Variants in SMURF1 observed in about 807,000 individuals in gnomAD.
SMURF1 encodes E3 ubiquitin-protein ligase SMURF1.
In SMURF1, 44 loss-of-function variants were observed where a neutral mutation model predicts 98.0. The ratio of observed to expected loss-of-function variants is 0.45; its 90% CI spans 0.35 to 0.58. SMURF1 has a LOEUF of 0.58. SMURF1 is among the 20% of genes least tolerant of loss of function. The pLI, the probability that SMURF1 is intolerant of heterozygous loss-of-function variation, is 0.00. For missense variants in SMURF1, 687 were observed against 938.4 expected, an observed-to-expected ratio of 0.73 and a Z score of 3.50; for synonymous variants, 396 against 374.9, an observed-to-expected ratio of 1.06 and a Z score of -0.65.
intron 1 of SMURF1, among the ~76,000 whole-genome samples, chr7:99,096,166 C>A (rs1040963180): frequency 1.3e-5 from 2 of 152,154 alleles, no homozygotes; most frequent in Non-Finnish European, 2.9e-5. Context: ...ACCAGGACGC[C>A]TAAATCATGG....
intron 2 of SMURF1, among the ~76,000 whole-genome samples, chr7:99,061,167 C>T (rs895017924): frequency 1.3e-5 from 2 of 152,150 alleles, no homozygotes; most frequent in Non-Finnish European, 2.9e-5. Flanking sequence ...GAGATGGACA[C>T]GAGCCACCAT....
In SMURF1 at chr7:99,041,466, C is replaced by T. The variant is rs143082646; in HGVS notation, c.1371+652G>A. The stretch of plus-strand genomic sequence containing the variant: ...TGGTCTTAACTCAGGAACCACACGT[C>T]TCTACTTTCAGGTTTGAATTATGTT... On this transcript the variant is annotated intron_variant, in intron 12 of 17. Coordinates refer to ENST00000361368, the MANE Select transcript of SMURF1 (RefSeq NM_181349.3). 6.0e-4 allele frequency among the ~76,000 whole-genome samples: 92 copies of T among 152,322 alleles called. 1 individual carries two copies. The highest frequency in any genetic ancestry group is 2.1e-3 in the African/African-American group (89 of 41,582).
In SMURF1 at chr7:99,029,713, C is replaced by G. The variant is rs1333384242; in HGVS notation, c.*871G>C. The G allele has an allele frequency of 2.0e-5, 3 of 152,190 alleles. No homozygotes were observed. The highest frequency in any genetic ancestry group is 6.5e-5 in the Admixed American group (1 of 15,276). 9.4% of individuals were successfully genotyped at this position (152,190 alleles called of 1,614,324 possible). A position where few individuals can be genotyped will look rare whatever the true frequency, so the allele number is the denominator to read the frequency against. ...AATATTTTAAGTGACACAGTCGATGCTCTTCTATGGACAACAGTGGCACAG... is the reference window on the plus strand; with the variant it reads ...AATATTTTAAGTGACACAGTCGATGGTCTTCTATGGACAACAGTGGCACAG... On this transcript the variant is annotated 3_prime_UTR_variant, in exon 18 of 18. Transcript: ENST00000361368.
In SMURF1 at chr7:99,144,015, A is replaced by G. The variant is rs866120512; in HGVS notation, c.-235T>C. ...CTGCTTCCAGCCGAGCCCAGTCCCG[A>G]GCCGCCGCCGCCTCCGCCGCCGCCT... is the stretch of plus-strand genomic sequence containing the variant. On this transcript the variant is annotated 5_prime_UTR_variant, in exon 1 of 18. Transcript: ENST00000361368. The G allele has an allele frequency of 6.4e-3, 1,953 of 303,232 alleles. 17 individuals are homozygous for G. The highest frequency in any genetic ancestry group is 0.02 in the Admixed American group (374 of 18,410). The allele number at this position is 303,232 out of a possible 1,614,324, so 18.8% of individuals were successfully genotyped here. A position where few individuals can be genotyped will look rare whatever the true frequency, so the allele number is the denominator to read the frequency against.
chr7:99,040,053 A>G (rs974206808), intron 13 of SMURF1, among the ~76,000 whole-genome samples: 39 of 152,174 alleles, frequency 2.6e-4, no homozygotes, highest in African/African-American at 9.2e-4. Context: ...AAAAGAAACT[A>G]GTCCATGAAG....
chr7:99,041,025 G>C (rs956690247), intron 12 of SMURF1, among the ~76,000 whole-genome samples: 2 of 152,168 alleles, frequency 1.3e-5, no homozygotes, highest in African/African-American at 2.4e-5. Context: ...GAAAGGAAGA[G>C]AGGGAAAGAG....
At chr7:99,077,730 A>C (rs2150564299) in intron 1 of SMURF1, among the ~76,000 whole-genome samples, 1 of 152,296 alleles carries the variant, frequency 6.6e-6, no homozygotes, top group South Asian at 2.1e-4. Flanking sequence ...TTCCACCATC[A>C]GGCAACTCTA....
chr7:99,080,173 A>G (rs551968325), intron 1 of SMURF1, among the ~76,000 whole-genome samples: 1 of 152,364 alleles, frequency 6.6e-6, no homozygotes, highest in Non-Finnish European at 1.5e-5. Context: ...ACATTTTCTA[A>G]GAACGTATAA....
intron 13 of SMURF1, 55 bp downstream of exon 13, chr7:99,040,323 G>C: frequency 7.1e-7 from 1 of 1,411,492 alleles, no homozygotes; most frequent in African/African-American, 1.5e-5. Flanking sequence ...GCATACATAC[G>C]ATAGACGTGG....
In SMURF1 at chr7:99,040,492, T is replaced by A; in HGVS notation, c.1436A>T (p.Tyr479Phe). 1.3e-6 allele frequency: 2 copies of A among 1,587,794 alleles called. No individual in the cohort carries two copies. Among genetic ancestry groups the A allele is most frequent in the Non-Finnish European group, 1.7e-6 (2 of 1,167,044 alleles). The change falls in exon 13 of 18, where the codon TAC becomes TTC. Residue 479 changes from tyrosine (Y) to phenylalanine (F), a missense_variant. Tyr to Phe is a conservative substitution (Grantham distance 22). Coordinates refer to ENST00000361368, the MANE Select transcript of SMURF1 (RefSeq NM_181349.3). The stretch of plus-strand genomic sequence containing the variant: ...GGGCACTGTGAAGCCCCCGTTGATG[T>A]AGTGTCCATGGAACACAGCCAGCCC... ...IMGLAVFHGH[Y>F]INGGFTVPFY...
intron 1 of SMURF1, among the ~76,000 whole-genome samples, chr7:99,080,860 G>A (rs894983768): frequency 1.3e-5 from 2 of 152,150 alleles, no homozygotes; most frequent in Non-Finnish European, 2.9e-5. Context: ...CCAGCTCCCT[G>A]CAAGGGATCA....
At chr7:99,046,743 A>C (rs1298510711) in intron 10 of SMURF1, among the ~76,000 whole-genome samples, 1 of 151,592 alleles carries the variant, frequency 6.6e-6, no homozygotes, top group Non-Finnish European at 1.5e-5. Flanking sequence ...AAAAAAAAAA[A>C]AAAAAAAAAA....
At chr7:99,098,779 G>A (rs917715129) in intron 1 of SMURF1, among the ~76,000 whole-genome samples, 13 of 152,148 alleles carry the variant, frequency 8.5e-5, no homozygotes, top group African/African-American at 1.9e-4. Flanking sequence ...ACACATGTTA[G>A]TGACTTTCGG....
chr7:99,054,099 TTTG>T (rs1426655445), intron 6 of SMURF1, among the ~76,000 whole-genome samples: 1 of 151,730 alleles, frequency 6.6e-6, no homozygotes, highest in Admixed American at 6.6e-5. Context: ...GCCCAGCTAA[TTTG>T]TTATTTTTTA....
chr7:99,061,473 A>G (rs903397302), intron 2 of SMURF1, among the ~76,000 whole-genome samples: 1 of 152,226 alleles, frequency 6.6e-6, no homozygotes, highest in Non-Finnish European at 1.5e-5. Flanking sequence ...GTTTTATACA[A>G]AAGTATTTCA....
At chr7:99,132,916 G>A (rs564491394) in intron 1 of SMURF1, among the ~76,000 whole-genome samples, 1 of 152,244 alleles carries the variant, frequency 6.6e-6, no homozygotes, top group South Asian at 2.1e-4. Context: ...GACATGATCT[G>A]ATTTATGCTC....
At chr7:99,139,785 A>G (rs1425917183) in intron 1 of SMURF1, among the ~76,000 whole-genome samples, 1 of 152,230 alleles carries the variant, frequency 6.6e-6, no homozygotes, top group Non-Finnish European at 1.5e-5. Context: ...CATTCGTTAA[A>G]ATGTTATTAT....
At position 99,063,215 on chromosome 7, in the gene SMURF1, G is replaced by T. The variant is rs904400322; in HGVS notation, c.56-1378C>A. ...AAGATATATATATTTATATAGTCAA[G>T]ATATATATATATATATAAGATTTAT... On this transcript the variant is annotated intron_variant, in intron 1 of 17. Transcript: ENST00000361368. Among the ~76,000 whole-genome samples the T allele has an allele frequency of 5.0e-4, 47 of 93,830 alleles. 1 individual carries two copies. Among genetic ancestry groups the T allele is most frequent in the African/African-American group, 2.2e-3 (46 of 21,236 alleles). The allele number at this position is 93,830 out of a possible 152,430, so 61.6% of individuals were successfully genotyped here.
chr7:99,047,145 C>T (rs1795609464), intron 10 of SMURF1, among the ~76,000 whole-genome samples: 1 of 152,226 alleles, frequency 6.6e-6, no homozygotes, highest in Admixed American at 6.5e-5. Flanking sequence ...GTGTAAGGGA[C>T]AGAGCCTGTC....
Sources: gnomAD v4.1 joint callset for allele counts (sites outside exome capture counted in the v4.1 genomes callset) on GRCh38, gnomAD v4.1.1 for gene constraint, MANE v1.5 for transcripts, NCBI Gene and HGNC (gene_info 2026-07-23, HGNC 2026-07-21) for gene names.